CCDC150: variants seen among roughly 807,000 people sequenced by gnomAD.
CCDC150 encodes the protein coiled-coil domain-containing protein 150.
In CCDC150, 151 loss-of-function variants were observed where a neutral mutation model predicts 156.5. The ratio of observed to expected loss-of-function variants is 0.97; its 90% CI spans 0.85 to 1.10. The LOEUF is 1.10. Ranked by LOEUF, CCDC150 falls within the 50% of genes least tolerant of loss-of-function variation. CCDC150 has a pLI of 0.00. For missense variants in CCDC150, 1,312 were observed against 1,268.1 expected (o/e 1.03, Z -0.53); for synonymous variants, 452 against 429.4 (o/e 1.05, Z -0.65).
chr2:196,716,710 A>G (rs1697524698), intron 17 of CCDC150, among the ~76,000 whole-genome samples: 2 of 152,150 alleles, frequency 1.3e-5, no homozygotes, highest in South Asian at 2.1e-4. Flanking sequence ...TCTTATACGT[A>G]TGTGAAAACT....
chr2:196,691,841 T>G (rs369860132), intron 13 of CCDC150, among the ~76,000 whole-genome samples: 1 of 152,128 alleles, frequency 6.6e-6, no homozygotes, highest in South Asian at 2.1e-4. Context: ...CTCGGGAGAC[T>G]GAGGAAGAAG....
chr2:196,715,226 T>C (rs889417881), intron 17 of CCDC150, among the ~76,000 whole-genome samples: 1 of 152,150 alleles, frequency 6.6e-6, no homozygotes, highest in Non-Finnish European at 1.5e-5. Flanking sequence ...TGCTGGCTAA[T>C]AGCAACAGAG....
Position 196,712,170 on chromosome 2 carries a change from A to G in CCDC150, c.1721A>G (p.Gln574Arg). Reference protein sequence around the residue: ...LQIKVKQLEEQVQSFTDTSLQ... With the variant: ...LQIKVKQLEERVQSFTDTSLQ... ...ATAAAAGTTAAACAGCTAGAAGAAC[A>G]AGTACAGTCTTTTACTGACACCAGC... Residue 574 changes from glutamine to arginine, a missense_variant, in exon 16 of 28, where the codon CAA (glutamine) becomes CGA (arginine). Transcript: ENST00000389175. 6.4e-7 allele frequency: 1 copy of G among 1,572,272 alleles called. No homozygotes were observed.
intron 13 of CCDC150, among the ~76,000 whole-genome samples, chr2:196,692,121 ATTTTT>A (rs1161513452): frequency 3.2e-5 from 2 of 62,046 alleles, no homozygotes; most frequent in Admixed American, 4.4e-4. Flanking sequence ...TTGAGATCTA[ATTTTT>A]TTTTTTTTTT....
chr2:196,724,470 T>C (rs1698096469), intron 21 of CCDC150, among the ~76,000 whole-genome samples: 2 of 152,220 alleles, frequency 1.3e-5, no homozygotes, highest in Admixed American at 6.5e-5. Context: ...ATTTGTTACA[T>C]GCTCATGATA....
intron 21 of CCDC150, among the ~76,000 whole-genome samples, chr2:196,724,300 GAGTTGA>G (rs1207493970): frequency 2.6e-5 from 4 of 152,130 alleles, no homozygotes; most frequent in East Asian, 1.9e-4. Flanking sequence ...AAGAAAGTAA[GAGTTGA>G]AGTTGAAGTG....
intron 22 of CCDC150, among the ~76,000 whole-genome samples, chr2:196,728,368 G>C (rs985863850): frequency 6.6e-6 from 1 of 152,188 alleles, no homozygotes; most frequent in Non-Finnish European, 1.5e-5. Flanking sequence ...AACTAGTATA[G>C]AGAGAAAAGG....
intron 1 of CCDC150, among the ~76,000 whole-genome samples, chr2:196,643,362 G>T (rs1369646709): frequency 1.3e-5 from 2 of 151,648 alleles, no homozygotes; most frequent in African/African-American, 4.8e-5. Flanking sequence ...GCAGGGTCGG[G>T]TGGCACTCAG....
At chr2:196,721,933 T>C (rs1387429707) in intron 21 of CCDC150, among the ~76,000 whole-genome samples, 1 of 152,208 alleles carries the variant, frequency 6.6e-6, no homozygotes, top group African/African-American at 2.4e-5. Context: ...TAGCTGCTGC[T>C]TTACTCAAAG....
chr2:196,724,088 G>T (rs992028459), intron 21 of CCDC150, among the ~76,000 whole-genome samples: 3 of 152,204 alleles, frequency 2.0e-5, no homozygotes, highest in Non-Finnish European at 4.4e-5. Flanking sequence ...AGCAGAAGCT[G>T]AGTGAGTCTT....
chr2:196,650,108 CATG>C, intron 2 of CCDC150, among the ~76,000 whole-genome samples: 1 of 152,306 alleles, frequency 6.6e-6, no homozygotes, highest in East Asian at 1.9e-4. Context: ...CACCGTTGAG[CATG>C]ATGTTAGCTG....
At chr2:196,707,128 A>C (rs1318302908) in intron 15 of CCDC150, among the ~76,000 whole-genome samples, 1 of 152,140 alleles carries the variant, frequency 6.6e-6, no homozygotes, top group Non-Finnish European at 1.5e-5. Context: ...TTGCCTGTGA[A>C]TCCGTCTGGT....
At position 196,695,151 on chromosome 2, in the gene CCDC150, T is replaced by A; in HGVS notation, c.1615T>A (p.Tyr539Asn). The change falls in exon 14 of 28, where the codon TAC becomes AAC. Residue 539 changes from tyrosine (Y) to asparagine (N), a missense_variant. By Grantham distance (143) the Tyr-to-Asn change is moderately radical. Transcript: ENST00000389175. The stretch of plus-strand genomic sequence containing the variant: ...AGAACTTCAGCAAGTCACTTCTGAT[T>A]ACCATGGGGTGGGTATAAAAAGATC... Reference protein sequence around the residue: ...SLELQQVTSDYHGLAQQKVEK... With the variant: ...SLELQQVTSDNHGLAQQKVEK... 6.3e-7 allele frequency: 1 copy of A among 1,576,888 alleles called. No individual in the cohort carries two copies.
At chr2:196,684,505 G>GA (rs1436985164) in intron 13 of CCDC150, among the ~76,000 whole-genome samples, 2 of 152,074 alleles carry the variant, frequency 1.3e-5, no homozygotes, top group African/African-American at 2.4e-5. Context: ...GTGCATTTGA[G>GA]AAAAATGTGT....
At chr2:196,673,432 C>T (rs1221447749) in intron 9 of CCDC150, among the ~76,000 whole-genome samples, 1 of 152,168 alleles carries the variant, frequency 6.6e-6, no homozygotes, top group Non-Finnish European at 1.5e-5. Flanking sequence ...ATAGCTTGTA[C>T]ATCTGCATCT....
chr2:196,693,202 G>A (rs1695599158), intron 13 of CCDC150, among the ~76,000 whole-genome samples: 1 of 152,082 alleles, frequency 6.6e-6, no homozygotes, highest in African/African-American at 2.4e-5. Context: ...GACATGTCTA[G>A]GTTATATAGT....
At position 196,721,655 on chromosome 2, in the gene CCDC150, G is replaced by A. The variant is rs1697922415; in HGVS notation, c.2393G>A (p.Ser798Asn). 2 of 1,602,474 alleles carry A rather than the reference G, an allele frequency of 1.2e-6. No individual in the cohort carries two copies. The highest frequency in any genetic ancestry group is 1.7e-5 in the Admixed American group (1 of 58,146). ...KLDHIQEQLE[S>N]KELERQNLET... is the part of the protein sequence containing the mutation. ...GATCACATTCAAGAGCAATTGGAAA[G>A]CAAAGAACTTGAGCGACAGAATTTG... Residue 798 changes from serine to asparagine, a missense_variant, in exon 21 of 28, where the codon AGC becomes AAC. Physicochemically the swap from Ser to Asn is conservative, Grantham distance 46. Transcript: ENST00000389175.
At chr2:196,659,973 A>G (rs997300285) in intron 5 of CCDC150, among the ~76,000 whole-genome samples, 1 of 152,062 alleles carries the variant, frequency 6.6e-6, no homozygotes, top group Non-Finnish European at 1.5e-5. Flanking sequence ...TGTTCCACCT[A>G]CCCATCCTTC....
chr2:196,703,129 G>A (rs1012098936), intron 15 of CCDC150, among the ~76,000 whole-genome samples: 1 of 152,138 alleles, frequency 6.6e-6, no homozygotes, highest in Non-Finnish European at 1.5e-5. Context: ...TTTTGGCAGG[G>A]TCAAACCACA....
Sources: gnomAD v4.1 joint callset for allele counts (sites outside exome capture counted in the v4.1 genomes callset) on GRCh38, gnomAD v4.1.1 for gene constraint, MANE v1.5 for transcripts, NCBI Gene and HGNC (gene_info 2026-07-23, HGNC 2026-07-21) for gene names.